Variants in PDE4B observed in about 807,000 individuals in gnomAD.
PDE4B encodes the protein phosphodiesterase 4B, also known as 3',5'-cyclic-AMP phosphodiesterase 4B.
In PDE4B, 20 loss-of-function variants were observed where a neutral mutation model predicts 82.2. The ratio of observed to expected loss-of-function variants is 0.24; its 90% CI spans 0.17 to 0.35. The LOEUF (loss-of-function observed/expected upper bound fraction) is 0.35, where lower values mean the gene tolerates loss of function less well. Among genes scored for constraint, PDE4B ranks in the 10% least tolerant of loss-of-function variants. PDE4B has a pLI of 1.00. For missense variants in PDE4B, 655 were observed against 907.2 expected (o/e 0.72, Z 3.57); for synonymous variants, 320 against 318.9 (o/e 1.00, Z -0.04).
chr1:65,831,376 T>G (rs1646079831), intron 1 of PDE4B, among the ~76,000 whole-genome samples: 1 of 152,094 alleles, frequency 6.6e-6, no homozygotes, highest in African/African-American at 2.4e-5. Context: ...TCACAAACAT[T>G]GATAGAATAG....
intron 1 of PDE4B, among the ~76,000 whole-genome samples, chr1:65,845,895 T>C (rs1571007610): frequency 1.3e-5 from 2 of 152,182 alleles, no homozygotes; most frequent in Admixed American, 1.3e-4. Flanking sequence ...CCAGTCCCTA[T>C]GCAGGGGCTT....
intron 7 of PDE4B, among the ~76,000 whole-genome samples, chr1:66,321,899 G>T (rs981832218): frequency 6.6e-6 from 1 of 151,892 alleles, no homozygotes; most frequent in Non-Finnish European, 1.5e-5. Flanking sequence ...AGCTGGAGGC[G>T]TTATGCTACC....
At chr1:65,950,297 T>C (rs1648926064) in intron 3 of PDE4B, among the ~76,000 whole-genome samples, 1 of 152,038 alleles carries the variant, frequency 6.6e-6, no homozygotes, top group African/African-American at 2.4e-5. Flanking sequence ...GCCAGTAAAA[T>C]GCACCAGCAT....
At chr1:65,997,460 G>A (rs138621417) in intron 3 of PDE4B, among the ~76,000 whole-genome samples, 1 of 152,154 alleles carries the variant, frequency 6.6e-6, no homozygotes, top group African/African-American at 2.4e-5. Flanking sequence ...AGACAACACT[G>A]GATTAAGTGG....
intron 16 of PDE4B, among the ~76,000 whole-genome samples, chr1:66,370,160 A>G (rs1053015087): frequency 2.0e-5 from 3 of 150,202 alleles, no homozygotes; most frequent in African/African-American, 7.3e-5. Context: ...CAAAAAAAAA[A>G]AAAAAAAAAA....
At chr1:66,058,495 G>A (rs1289178404) in intron 3 of PDE4B, among the ~76,000 whole-genome samples, 1 of 152,218 alleles carries the variant, frequency 6.6e-6, no homozygotes. Flanking sequence ...GGTTCTCCAT[G>A]AGGGCCCTGC....
At chr1:66,186,884 A>G (rs1160236569) in intron 3 of PDE4B, among the ~76,000 whole-genome samples, 4 of 152,110 alleles carry the variant, frequency 2.6e-5, no homozygotes, top group African/African-American at 4.8e-5. Context: ...AATAGGAGTG[A>G]TGAGAGAGGG....
chr1:66,285,029 T>A (rs1656571304), intron 7 of PDE4B, among the ~76,000 whole-genome samples: 1 of 152,174 alleles, frequency 6.6e-6, no homozygotes, highest in African/African-American at 2.4e-5. Context: ...AAGTTCATAA[T>A]CATTTCTGAG....
intron 3 of PDE4B, among the ~76,000 whole-genome samples, chr1:66,140,112 T>G (rs758499305): frequency 6.6e-6 from 1 of 151,420 alleles, no homozygotes; most frequent in Non-Finnish European, 1.5e-5. Flanking sequence ...AAGAGGGACC[T>G]TTTTTTTTCC....
chr1:66,008,991 G>T (rs895940125), intron 3 of PDE4B, among the ~76,000 whole-genome samples: 2 of 151,888 alleles, frequency 1.3e-5, no homozygotes, highest in Non-Finnish European at 2.9e-5. Flanking sequence ...TATATCTCTA[G>T]CCAGACTTTT....
intron 6 of PDE4B, among the ~76,000 whole-genome samples, chr1:66,263,552 A>C (rs1654833281): frequency 6.6e-6 from 1 of 152,236 alleles, no homozygotes; most frequent in Non-Finnish European, 1.5e-5. Flanking sequence ...TTTGCCAGGC[A>C]ATATGGCGGG....
intron 3 of PDE4B, among the ~76,000 whole-genome samples, chr1:66,208,840 AT>A (rs1649785677): frequency 6.6e-6 from 1 of 152,172 alleles, no homozygotes; most frequent in Admixed American, 6.5e-5. Flanking sequence ...GCATTATCTC[AT>A]TTAATTCTTA....
At chr1:65,958,952 T>A (rs1347873642) in intron 3 of PDE4B, among the ~76,000 whole-genome samples, 2 of 152,226 alleles carry the variant, frequency 1.3e-5, no homozygotes, top group African/African-American at 2.4e-5. Context: ...CAGAAGGTAT[T>A]TAATCATTTA....
intron 3 of PDE4B, among the ~76,000 whole-genome samples, chr1:66,093,857 A>G (rs186595041): frequency 6.6e-5 from 10 of 152,192 alleles, no homozygotes; most frequent in African/African-American, 2.2e-4. Flanking sequence ...CGCTCATATC[A>G]TTAAGACAAA....
At chr1:66,152,028 A>G (rs1430487113) in intron 3 of PDE4B, among the ~76,000 whole-genome samples, 1 of 152,246 alleles carries the variant, frequency 6.6e-6, no homozygotes, top group East Asian at 1.9e-4. Context: ...CAGTAAAAAG[A>G]CACCATAAAA....
At chr1:66,183,313 C>T (rs985682387) in intron 3 of PDE4B, among the ~76,000 whole-genome samples, 32 of 152,110 alleles carry the variant, frequency 2.1e-4, no homozygotes, top group African/African-American at 7.7e-4. Flanking sequence ...AACTCTAATC[C>T]TCCAAATAAT....
At chr1:66,087,531 G>A (rs1336442992) in intron 3 of PDE4B, among the ~76,000 whole-genome samples, 2 of 151,952 alleles carry the variant, frequency 1.3e-5, no homozygotes, top group East Asian at 3.9e-4. Context: ...GGCTTTTGTT[G>A]CCATTGCTTT....
intron 7 of PDE4B, among the ~76,000 whole-genome samples, chr1:66,269,103 T>C (rs994514884): frequency 6.6e-6 from 1 of 152,230 alleles, no homozygotes. Context: ...TGAGCCAATA[T>C]TTTTATCTCT....
At chr1:66,129,002 T>C (rs1645879062) in intron 3 of PDE4B, among the ~76,000 whole-genome samples, 1 of 152,178 alleles carries the variant, frequency 6.6e-6, no homozygotes, top group East Asian at 1.9e-4. Flanking sequence ...AGCCGAACCA[T>C]ATCAGCAAAC....
Sources: gnomAD v4.1 joint callset for allele counts (sites outside exome capture counted in the v4.1 genomes callset) on GRCh38, gnomAD v4.1.1 for gene constraint, MANE v1.5 for transcripts, NCBI Gene and HGNC (gene_info 2026-07-23, HGNC 2026-07-21) for gene names.